The following TAF3 variants were observed in gnomAD, a reference collection of about 807,000 sequenced individuals.
TAF3 encodes transcription initiation factor TFIID subunit 3.
Under a neutral mutation model 80.6 loss-of-function variants are expected in TAF3, and 7 were observed. The ratio of observed to expected loss-of-function variants is 0.09; its 90% CI spans 0.05 to 0.16. TAF3 has a LOEUF of 0.16. Ranked by LOEUF, TAF3 falls within the 10% of genes least tolerant of loss-of-function variation. The pLI is 1.00. For missense variants in TAF3, 921 were observed against 1,140.2 expected (o/e 0.81, Z 2.77); for synonymous variants, 444 against 446.1 (o/e 1.00, Z 0.06).
At chr10:7,848,215 T>C (rs1211936608) in intron 2 of TAF3, among the ~76,000 whole-genome samples, 2 of 152,210 alleles carry the variant, frequency 1.3e-5, no homozygotes, top group Non-Finnish European at 2.9e-5. Context: ...AGGGTTAAAG[T>C]AAAAAATATT....
In TAF3 at chr10:7,944,117, G is replaced by GTGTC. The variant is rs1305982083; in HGVS notation, c.410-19800_410-19799insCTGT. Among the ~76,000 whole-genome samples the GTGTC allele has an allele frequency of 2.0e-5, 3 of 151,566 alleles. No homozygotes were observed. The East Asian group carries it at 5.8e-4, about 29-fold the overall frequency. The stretch of plus-strand genomic sequence containing the variant: ...CTTGTGTGTGTGTGTGTGTGTGTGT[G>GTGTC]TGTGTGTGTGTGTGTGTGTTGTGGG... On this transcript the variant is annotated intron_variant, in intron 2 of 6. Coordinates refer to ENST00000344293, the MANE Select transcript of TAF3 (RefSeq NM_031923.4).
At chr10:7,870,850 A>G (rs1384465899) in intron 2 of TAF3, among the ~76,000 whole-genome samples, 1 of 152,126 alleles carries the variant, frequency 6.6e-6, no homozygotes, top group African/African-American at 2.4e-5. Flanking sequence ...AAGATGCTAA[A>G]AGAATGTATT....
At chr10:7,937,216 G>T (rs1837930247) in intron 2 of TAF3, among the ~76,000 whole-genome samples, 1 of 152,170 alleles carries the variant, frequency 6.6e-6, no homozygotes, top group Non-Finnish European at 1.5e-5. Context: ...GTGATTGCTG[G>T]ATCCTATGGT....
chr10:7,981,726 C>G (rs1450486971), intron 4 of TAF3, among the ~76,000 whole-genome samples: 1 of 152,152 alleles, frequency 6.6e-6, no homozygotes, highest in Non-Finnish European at 1.5e-5. Context: ...CATCAGCCCT[C>G]GTCCTAACAA....
intron 2 of TAF3, among the ~76,000 whole-genome samples, chr10:7,918,973 T>C (rs529372846): frequency 2.6e-5 from 4 of 152,296 alleles, no homozygotes; most frequent in African/African-American, 9.6e-5. Flanking sequence ...AAGAAATTGC[T>C]ACCAGTTGAG....
chr10:7,982,401 TA>T (rs1389678194), intron 4 of TAF3, among the ~76,000 whole-genome samples: 2 of 152,178 alleles, frequency 1.3e-5, no homozygotes, highest in Non-Finnish European at 1.5e-5. Flanking sequence ...TTTATTTATT[TA>T]TCTTTTTTTT....
chr10:7,936,002 G>T (rs1837916086), intron 2 of TAF3, among the ~76,000 whole-genome samples: 1 of 152,170 alleles, frequency 6.6e-6, no homozygotes. Flanking sequence ...ACGGAGGGAA[G>T]CAGCAAGTCC....
intron 2 of TAF3, among the ~76,000 whole-genome samples, chr10:7,888,746 C>A (rs890498302): frequency 6.6e-6 from 1 of 152,248 alleles, no homozygotes. Flanking sequence ...AAGACAGTGA[C>A]AGAGCTTTCG....
chr10:7,833,005 T>A (rs911321427), intron 2 of TAF3, among the ~76,000 whole-genome samples: 2 of 152,138 alleles, frequency 1.3e-5, no homozygotes, highest in Non-Finnish European at 2.9e-5. Context: ...AGATAAAATG[T>A]TCAATAAATT....
intron 4 of TAF3, among the ~76,000 whole-genome samples, chr10:7,982,873 A>C (rs1163190316): frequency 6.6e-6 from 1 of 152,168 alleles, no homozygotes; most frequent in African/African-American, 2.4e-5. Flanking sequence ...CACACTTTCC[A>C]AGAGGAAAGC....
chr10:7,893,283 A>G (rs990690645), intron 2 of TAF3, among the ~76,000 whole-genome samples: 1 of 152,224 alleles, frequency 6.6e-6, no homozygotes, highest in Non-Finnish European at 1.5e-5. Context: ...TTGTTATTTA[A>G]TAATCAGTTA....
chr10:7,998,789 G>C (rs564846466), intron 4 of TAF3, among the ~76,000 whole-genome samples: 1 of 151,148 alleles, frequency 6.6e-6, no homozygotes, highest in Non-Finnish European at 1.5e-5. Context: ...CAGTGAGCCG[G>C]GATCGCGCCA....
intron 2 of TAF3, among the ~76,000 whole-genome samples, chr10:7,842,075 G>A (rs1015190225): frequency 6.6e-6 from 1 of 150,864 alleles, no homozygotes; most frequent in Non-Finnish European, 1.5e-5. Flanking sequence ...CCCTCCTATC[G>A]TTCATTGAGT....
At chr10:7,963,716 A>C (rs2131411926) in intron 2 of TAF3, among the ~76,000 whole-genome samples, 1 of 152,152 alleles carries the variant, frequency 6.6e-6, no homozygotes, top group South Asian at 2.1e-4. Flanking sequence ...GTAAATGATG[A>C]GTTGATGGGT....
intron 2 of TAF3, among the ~76,000 whole-genome samples, chr10:7,872,233 T>TC (rs1588533556): frequency 7.5e-6 from 1 of 132,694 alleles, no homozygotes; most frequent in South Asian, 2.4e-4. Context: ...TTTTTTTTTT[T>TC]CTTTCTTTCC....
chr10:7,838,690 T>C (rs1836877698), intron 2 of TAF3, among the ~76,000 whole-genome samples: 1 of 152,106 alleles, frequency 6.6e-6, no homozygotes, highest in African/African-American at 2.4e-5. Context: ...CCAAGCTGGT[T>C]TTCTTAATGG....
chr10:7,835,377 C>T (rs1386887599), intron 2 of TAF3, among the ~76,000 whole-genome samples: 1 of 152,222 alleles, frequency 6.6e-6, no homozygotes, highest in African/African-American at 2.4e-5. Context: ...TCTGACTTTG[C>T]AGTGCTCCCT....
chr10:7,990,933 C>T (rs1196136239), intron 4 of TAF3, among the ~76,000 whole-genome samples: 1 of 152,186 alleles, frequency 6.6e-6, no homozygotes, highest in Admixed American at 6.5e-5. Flanking sequence ...TCTCCGTAGT[C>T]CTAGATGTTA....
intron 2 of TAF3, among the ~76,000 whole-genome samples, chr10:7,873,401 T>C (rs1442977666): frequency 6.6e-6 from 1 of 152,208 alleles, no homozygotes; most frequent in Admixed American, 6.5e-5. Flanking sequence ...GTGATTTACT[T>C]TGACAATAAA....
Sources: gnomAD v4.1 joint callset for allele counts (sites outside exome capture counted in the v4.1 genomes callset) on GRCh38, gnomAD v4.1.1 for gene constraint, MANE v1.5 for transcripts, NCBI Gene and HGNC (gene_info 2026-07-23, HGNC 2026-07-21) for gene names.